NWD1: variants seen among roughly 807,000 people sequenced by gnomAD.
NWD1 encodes the protein NACHT and WD repeat domain containing 1, also known as NACHT domain- and WD repeat-containing protein 1.
A neutral mutation model predicts 135.1 loss-of-function variants in NWD1; 129 were observed. The observed-to-expected ratio is 0.96, with a 90% CI of 0.83 to 1.11. The LOEUF is 1.11. Ranked by LOEUF, NWD1 falls within the 50% of genes least tolerant of loss-of-function variation. The pLI is 0.00. For missense variants in NWD1, 1,740 were observed against 1,851.3 expected, an observed-to-expected ratio of 0.94 and a Z score of 1.10; for synonymous variants, 773 against 786.0, an observed-to-expected ratio of 0.98 and a Z score of 0.28.
In NWD1 at chr19:16,737,964, C is replaced by CAAAA. The variant is rs147713373; in HGVS notation, c.198+1214_198+1215insAAAA. On this transcript the variant is annotated intron_variant, in intron 4 of 18. Transcript: ENST00000524140. ...TGGGCGACAGAGCAAGACTCTATCT[C>CAAAA]GAAAAGAAAAGAAAAGAAAAGAAAA... 1.5e-3 allele frequency among the ~76,000 whole-genome samples: 185 copies of CAAAA among 124,492 alleles called. 9 individuals are homozygous for CAAAA. Among genetic ancestry groups the CAAAA allele is most frequent in the Middle Eastern group, 4.1e-3 (1 of 244 alleles). 81.7% of individuals were successfully genotyped at this position (124,492 alleles called of 152,430 possible).
chr19:16,758,577 CA>C (rs1302949163), intron 6 of NWD1, among the ~76,000 whole-genome samples: 2 of 152,218 alleles, frequency 1.3e-5, no homozygotes, highest in South Asian at 2.1e-4. Flanking sequence ...ACGCCCAGCC[CA>C]ATTATCCTAA....
At chr19:16,779,259 G>A in intron 11 of NWD1, 84 bp from the exon 12 acceptor site, 2 of 1,484,304 alleles carry the variant, frequency 1.3e-6, no homozygotes, top group Non-Finnish European at 1.9e-6. Context: ...TATCTGTGAA[G>A]TGGGGGGCTC....
chr19:16,751,027 G>T (rs1165951694), intron 6 of NWD1, among the ~76,000 whole-genome samples: 2 of 151,522 alleles, frequency 1.3e-5, no homozygotes, highest in African/African-American at 4.9e-5. Flanking sequence ...TTGGAGACCA[G>T]CCTGACAAAA....
Position 16,750,270 on chromosome 19 carries a change from C to T in NWD1, c.1628C>T (p.Ala543Val). 4.3e-6 allele frequency: 7 copies of T among 1,613,608 alleles called. No individual in the cohort carries two copies. Among genetic ancestry groups the T allele is most frequent in the Non-Finnish European group, 5.9e-6 (7 of 1,179,890 alleles). ...CGGCTGAGGCTGGCGTTTGAGGAAGCCCGGAAATGGGCCTCTTTCACCGTG... is the reference window on the plus strand; with the variant it reads ...CGGCTGAGGCTGGCGTTTGAGGAAGTCCGGAAATGGGCCTCTTTCACCGTG... The part of the protein sequence containing the change: ...PGRLRLAFEE[A>V]RKWASFTVPV... Residue 543 changes from alanine (A) to valine (V), a missense_variant, in exon 6 of 19, where the codon GCC (alanine) becomes GTC (valine). Coordinates refer to ENST00000524140, the MANE Select transcript of NWD1 (RefSeq NM_001007525.5).
intron 18 of NWD1, 99 bp downstream of exon 18, chr19:16,808,235 G>T (rs1256699201): frequency 5.3e-6 from 6 of 1,123,016 alleles, no homozygotes; most frequent in Non-Finnish European, 7.8e-6. Flanking sequence ...CCATCGACCA[G>T]GATGGGACTG....
intron 3 of NWD1, among the ~76,000 whole-genome samples, chr19:16,734,482 C>G (rs1188593899): frequency 6.6e-6 from 1 of 150,900 alleles, no homozygotes; most frequent in Non-Finnish European, 1.5e-5. Flanking sequence ...TTGCAGTGAG[C>G]CAAGATTGCG....
Position 16,797,780 on chromosome 19 carries a change from G to A in NWD1, c.3353G>A (p.Arg1118His), listed in dbSNP as rs143111258. ...TTCTTGGCGGACTCGAGGGGCTTTC[G>A]CCGATTCATGGCCATGGATCTGGAA... Reference protein sequence around the residue: ...RIFLADSRGFRRFMAMDLEHE... With the variant: ...RIFLADSRGFHRFMAMDLEHE... The change falls in exon 16 of 19, where the codon CGC (arginine) becomes CAC (histidine). Residue 1118 changes from arginine (R) to histidine (H), a missense_variant. Arg to His is a conservative substitution (Grantham distance 29). Coordinates refer to ENST00000524140, the MANE Select transcript of NWD1 (RefSeq NM_001007525.5). 1.2e-4 allele frequency: 194 copies of A among 1,614,084 alleles called. No homozygotes were observed. Among genetic ancestry groups the A allele is most frequent in the Non-Finnish European group, 1.5e-4 (182 of 1,179,974 alleles).
At chr19:16,768,530 C>A (rs1184540205) in intron 10 of NWD1, among the ~76,000 whole-genome samples, 1 of 152,162 alleles carries the variant, frequency 6.6e-6, no homozygotes, top group Non-Finnish European at 1.5e-5. Context: ...ATTTTATAAT[C>A]AAACTATGGG....
rs747476193 is a variant in NWD1, at chr19:16,800,093, A to G, written c.3667A>G (p.Asn1223Asp). Residue 1223 changes from asparagine (N) to aspartate (D), a missense_variant, in exon 17 of 19, where the codon AAT (asparagine) becomes GAT (aspartate). Transcript: ENST00000524140. ...DRTGLTAVSH[N>D]GSYVYFPKIG... ...CACCGGCCTCACCGCAGTGTCCCAC[A>G]ATGGAAGCTACGTCTACTTCCCCAA... 13 of 1,613,992 alleles carry G rather than the reference A, an allele frequency of 8.1e-6. No individual in the cohort carries two copies. Among genetic ancestry groups the G allele is most frequent in the South Asian group, 3.3e-5 (3 of 91,094 alleles).
At position 16,744,625 on chromosome 19, in the gene NWD1, G is replaced by A; in HGVS notation, c.403G>A (p.Ala135Thr). 5 of 1,535,118 alleles carry A rather than the reference G, an allele frequency of 3.3e-6. No individual in the cohort carries two copies. Among genetic ancestry groups the A allele is most frequent in the Non-Finnish European group, 4.4e-6 (5 of 1,146,494 alleles). ...TGGGGAGGCCTGTGAACCAGAGGAG[G>A]CCACCTTAACTTCTGTCCTACGCTC... The part of the protein sequence containing the change: ...GTGEACEPEE[A>T]TLTSVLRSGA... The change falls in exon 5 of 19, where the codon GCC (alanine) becomes ACC (threonine). Residue 135 changes from alanine (A) to threonine (T), a missense_variant. Ala to Thr is a moderately conservative substitution (Grantham distance 58). Coordinates refer to ENST00000524140, the MANE Select transcript of NWD1 (RefSeq NM_001007525.5).
chr19:16,722,648 T>C (rs1366822320), intron 1 of NWD1, among the ~76,000 whole-genome samples: 1 of 151,812 alleles, frequency 6.6e-6, no homozygotes, highest in Non-Finnish European at 1.5e-5. Flanking sequence ...ACCCCACACA[T>C]TAAAGCTGTA....
chr19:16,765,069 G>A lies in NWD1; in HGVS notation c.2287G>A (p.Gly763Arg). The A allele has an allele frequency of 6.2e-6, 10 of 1,614,094 alleles. No individual in the cohort carries two copies. Among genetic ancestry groups the A allele is most frequent in the East Asian group, 4.5e-5 (2 of 44,876 alleles). The change falls in exon 10 of 19, where the codon GGG becomes AGG. Residue 763 changes from glycine (G) to arginine (R), a missense_variant. Coordinates refer to ENST00000524140, the MANE Select transcript of NWD1 (RefSeq NM_001007525.5). ...CTGGATTTCCTGCCGGGGCATCTCT[G>A]GGGGCATTGAAGACCTGCTGGATGA... ...MSWISCRGIS[G>R]GIEDLLDDFD... is the part of the protein sequence containing the mutation.
Position 16,815,673 on chromosome 19 carries a change from G to C in NWD1, c.*634G>C, listed in dbSNP as rs1568403782. 1 of 220,814 alleles carries C rather than the reference G, an allele frequency of 4.5e-6. No homozygotes were observed. Among genetic ancestry groups the C allele is most frequent in the Non-Finnish European group, 9.0e-6 (1 of 110,932 alleles). The allele number at this position is 220,814 out of a possible 1,614,324, so 13.7% of individuals were successfully genotyped here. On this transcript the variant is annotated 3_prime_UTR_variant, in exon 19 of 19. Coordinates refer to ENST00000524140, the MANE Select transcript of NWD1 (RefSeq NM_001007525.5). ...GCCCTAAACCAATTATTATATCTGG[G>C]AGAATGCAGAGCTCTAATCGGCTAG...
intron 6 of NWD1, among the ~76,000 whole-genome samples, chr19:16,755,129 C>T (rs1475514980): frequency 6.6e-6 from 1 of 152,108 alleles, no homozygotes; most frequent in Non-Finnish European, 1.5e-5. Context: ...TTCTATCCAT[C>T]TAGTCATTTA....
chr19:16,762,935 C>T (rs1969079044), intron 8 of NWD1, among the ~76,000 whole-genome samples: 1 of 151,914 alleles, frequency 6.6e-6, no homozygotes, highest in Non-Finnish European at 1.5e-5. Context: ...AGGTGTGTGC[C>T]ACTGCACCTG....
rs530158158 is a variant in NWD1 at position 16,797,680 on chromosome 19, C to G, written c.3305-52C>G. The G allele has an allele frequency of 8.4e-6, 13 of 1,545,640 alleles. No homozygotes were observed. In the African/African-American group the frequency reaches 1.4e-4, roughly 16 times the overall value. On this transcript the variant is annotated intron_variant, in intron 15 of 18. Coordinates refer to ENST00000524140, the MANE Select transcript of NWD1 (RefSeq NM_001007525.5). ...CACCTCTGTTGATGGAAGGAATGACCCTCAATCTCCTCTGGACATGAGAGG... is the reference window on the plus strand; with the variant it reads ...CACCTCTGTTGATGGAAGGAATGACGCTCAATCTCCTCTGGACATGAGAGG...
At chr19:16,774,085 C>T (rs1369509120) in intron 11 of NWD1, among the ~76,000 whole-genome samples, 1 of 151,454 alleles carries the variant, frequency 6.6e-6, no homozygotes, top group East Asian at 1.9e-4. Flanking sequence ...CACCGTCCTC[C>T]CACCCACCCA....
At chr19:16,772,875 G>A (rs1969463592) in intron 10 of NWD1, among the ~76,000 whole-genome samples, 1 of 151,634 alleles carries the variant, frequency 6.6e-6, no homozygotes, top group Non-Finnish European at 1.5e-5. Context: ...AGAAGGGAGG[G>A]AGGAAGGAAA....
Position 16,744,833 on chromosome 19 carries a change from CA to C in NWD1, c.496+116del. ...TCTGCATTTCTTGCAAATGCCAAAC[CA>C]GTCAACCTCTGGTCCCTCGGCTCTG... On this transcript the variant is annotated intron_variant, in intron 5 of 18. Coordinates refer to ENST00000524140, the MANE Select transcript of NWD1 (RefSeq NM_001007525.5). The C allele has an allele frequency of 3.6e-6, 3 of 844,840 alleles. No individual in the cohort carries two copies. The Admixed American group carries it at 6.1e-5, about 17-fold the overall frequency. The allele number at this position is 844,840 out of a possible 1,614,324, so 52.3% of individuals were successfully genotyped here. A position where few individuals can be genotyped will look rare whatever the true frequency, so the allele number is the denominator to read the frequency against.
Sources: gnomAD v4.1 joint callset for allele counts (sites outside exome capture counted in the v4.1 genomes callset) on GRCh38, gnomAD v4.1.1 for gene constraint, MANE v1.5 for transcripts, NCBI Gene and HGNC (gene_info 2026-07-23, HGNC 2026-07-21) for gene names.